GPC5: variants seen among roughly 807,000 people sequenced by gnomAD.
GPC5 encodes glypican 5, also known as glypican-5.
In GPC5, 47 loss-of-function variants were observed where a neutral mutation model predicts 53.9. The ratio of observed to expected loss-of-function variants is 0.87; its 90% CI spans 0.69 to 1.11. The LOEUF is 1.11. Ranked by LOEUF, GPC5 falls within the 50% of genes most tolerant of loss-of-function variation. GPC5 has a pLI of 0.00. For synonymous variants in GPC5, 286 were observed against 263.3 expected, an observed-to-expected ratio of 1.09 and a Z score of -0.84; for missense variants, 748 against 713.1, an observed-to-expected ratio of 1.05 and a Z score of -0.56.
chr13:92,250,585 G>T (rs1382195849), intron 7 of GPC5, among the ~76,000 whole-genome samples: 3 of 152,010 alleles, frequency 2.0e-5, no homozygotes, highest in Non-Finnish European at 2.9e-5. Flanking sequence ...CCATGGAGAG[G>T]CTCATCAGGA....
intron 2 of GPC5, among the ~76,000 whole-genome samples, chr13:91,553,395 CCTT>C (rs1222152376): frequency 6.6e-5 from 10 of 152,086 alleles, no homozygotes; most frequent in African/African-American, 2.4e-4. Flanking sequence ...AATTTATACT[CCTT>C]CTCCTTTATT....
At chr13:91,520,188 A>T (rs1226953347) in intron 2 of GPC5, among the ~76,000 whole-genome samples, 2 of 152,214 alleles carry the variant, frequency 1.3e-5, no homozygotes, top group African/African-American at 4.8e-5. Context: ...ATATAAATTG[A>T]TTTTAAAGAT....
intron 7 of GPC5, among the ~76,000 whole-genome samples, chr13:92,462,302 G>T (rs1227597951): frequency 6.6e-6 from 1 of 152,116 alleles, no homozygotes; most frequent in Non-Finnish European, 1.5e-5. Context: ...AGAGGTGGTG[G>T]TGAAGTCAGC....
chr13:91,765,188 C>G (rs1443694702), intron 5 of GPC5, among the ~76,000 whole-genome samples: 1 of 152,248 alleles, frequency 6.6e-6, no homozygotes, highest in Admixed American at 6.5e-5. Context: ...AGGCCAACTA[C>G]CAGCCCTTTT....
intron 6 of GPC5, among the ~76,000 whole-genome samples, chr13:91,985,509 A>T (rs2040398742): frequency 6.7e-6 from 1 of 149,232 alleles, no homozygotes; most frequent in Non-Finnish European, 1.5e-5. Flanking sequence ...CTGCTCTTTT[A>T]TTTCTTATTT....
At chr13:92,828,714 T>C (rs1411818945) in intron 7 of GPC5, among the ~76,000 whole-genome samples, 1 of 152,120 alleles carries the variant, frequency 6.6e-6, no homozygotes, top group African/African-American at 2.4e-5. Flanking sequence ...CACAGGGTTC[T>C]GCTGGTACCT....
chr13:92,569,547 T>C (rs1434933937), intron 7 of GPC5, among the ~76,000 whole-genome samples: 9 of 152,052 alleles, frequency 5.9e-5, no homozygotes, highest in Non-Finnish European at 8.8e-5. Flanking sequence ...CTGTGCTAAA[T>C]AAAATTGCCA....
intron 7 of GPC5, among the ~76,000 whole-genome samples, chr13:92,205,418 A>G (rs2042326708): frequency 6.6e-6 from 1 of 152,122 alleles, no homozygotes; most frequent in South Asian, 2.1e-4. Context: ...GCTCACCAGG[A>G]GTCACCTCAT....
At chr13:92,513,328 GGTGAAAA>G (rs1880644779) in intron 7 of GPC5, among the ~76,000 whole-genome samples, 1 of 152,060 alleles carries the variant, frequency 6.6e-6, no homozygotes, top group Non-Finnish European at 1.5e-5. Flanking sequence ...CCAATGTTTA[GGTGAAAA>G]GTGAATTTAT....
At chr13:92,782,962 G>A (rs2138764195) in intron 7 of GPC5, among the ~76,000 whole-genome samples, 1 of 152,212 alleles carries the variant, frequency 6.6e-6, no homozygotes, top group Middle Eastern at 3.4e-3. Flanking sequence ...TTGCTTAGAG[G>A]TAACCCAGTA....
At chr13:92,020,067 A>G (rs1278792997) in intron 6 of GPC5, among the ~76,000 whole-genome samples, 2 of 152,044 alleles carry the variant, frequency 1.3e-5, no homozygotes, top group Non-Finnish European at 2.9e-5. Context: ...GACCACTCAT[A>G]TTCCTTGTCT....
At chr13:91,687,833 A>G (rs1174616386) in intron 2 of GPC5, among the ~76,000 whole-genome samples, 5 of 152,110 alleles carry the variant, frequency 3.3e-5, no homozygotes. Flanking sequence ...TTAATTCTTG[A>G]ATACAAAGCT....
At chr13:91,805,595 T>C (rs1566273963) in intron 5 of GPC5, among the ~76,000 whole-genome samples, 1 of 152,194 alleles carries the variant, frequency 6.6e-6, no homozygotes, top group Non-Finnish European at 1.5e-5. Context: ...CATTTATAAA[T>C]GGGACTTTAA....
chr13:92,623,244 G>C (rs1031176184), intron 7 of GPC5, among the ~76,000 whole-genome samples: 1 of 152,124 alleles, frequency 6.6e-6, no homozygotes, highest in African/African-American at 2.4e-5. Flanking sequence ...ACTGCAGAAA[G>C]ACTCAATGTT....
At chr13:92,047,981 A>G (rs2040997080) in intron 6 of GPC5, among the ~76,000 whole-genome samples, 1 of 151,630 alleles carries the variant, frequency 6.6e-6, no homozygotes, top group African/African-American at 2.4e-5. Context: ...ACAGAGCAAG[A>G]CTCCATCTCA....
chr13:91,911,956 C>T (rs1239052894), intron 6 of GPC5, among the ~76,000 whole-genome samples: 1 of 152,050 alleles, frequency 6.6e-6, no homozygotes, highest in African/African-American at 2.4e-5. Flanking sequence ...TTATTAGATA[C>T]CCAAGAGGAA....
chr13:91,480,575 G>A lies in GPC5; in HGVS notation c.325+31653G>A, dbSNP rs570915360. On this transcript the variant is annotated intron_variant, in intron 2 of 7. Coordinates refer to ENST00000377067, the MANE Select transcript of GPC5 (RefSeq NM_004466.6). ...ATTCACTACAGCCTCAGTAAATATT[G>A]CACATAGATTTCTATCAAGACATAT... Among the ~76,000 whole-genome samples the A allele has an allele frequency of 5.3e-5, 8 of 152,146 alleles. 1 individual carries two copies. The South Asian group carries it at 6.2e-4, about 12-fold the overall frequency.
At chr13:92,712,272 C>T (rs1566378346) in intron 7 of GPC5, among the ~76,000 whole-genome samples, 1 of 151,716 alleles carries the variant, frequency 6.6e-6, no homozygotes, top group Admixed American at 6.6e-5. Flanking sequence ...AATTTTACTC[C>T]CAAAAATTTG....
chr13:92,022,576 A>G (rs2040768040), intron 6 of GPC5, among the ~76,000 whole-genome samples: 1 of 152,094 alleles, frequency 6.6e-6, no homozygotes, highest in Non-Finnish European at 1.5e-5. Context: ...ATATATTAAA[A>G]TATTTGAATA....
Sources: gnomAD v4.1 joint callset for allele counts (sites outside exome capture counted in the v4.1 genomes callset) on GRCh38, gnomAD v4.1.1 for gene constraint, MANE v1.5 for transcripts, NCBI Gene and HGNC (gene_info 2026-07-23, HGNC 2026-07-21) for gene names.